PRKN: variants seen among roughly 807,000 people sequenced by gnomAD.
The protein encoded by PRKN is E3 ubiquitin-protein ligase parkin.
Under a neutral mutation model 59.5 loss-of-function variants are expected in PRKN, and 56 were observed. That is an observed-to-expected ratio of 0.94 (90% CI 0.76 to 1.18). PRKN has a LOEUF of 1.18. Ranked by LOEUF, PRKN falls within the 50% of genes most tolerant of loss-of-function variation. The probability of loss-of-function intolerance (pLI) is 0.00; values close to 1 mark genes in which losing one functional copy is unlikely to be tolerated. For missense variants in PRKN, 657 were observed against 596.4 expected, an observed-to-expected ratio of 1.10 and a Z score of -1.06; for synonymous variants, 250 against 222.1, an observed-to-expected ratio of 1.13 and a Z score of -1.12.
At chr6:161,662,829 A>G (rs1784595375) in intron 7 of PRKN, among the ~76,000 whole-genome samples, 1 of 152,148 alleles carries the variant, frequency 6.6e-6, no homozygotes, top group Admixed American at 6.5e-5. Flanking sequence ...ACATGAGGAT[A>G]TCTGTGGTGA....
rs1787346256 is a variant in PRKN, at chr6:161,407,809, C to T, written c.1084-20932G>A. 6.6e-6 allele frequency among the ~76,000 whole-genome samples: 1 copy of T among 152,174 alleles called. No individual in the cohort carries two copies. Among genetic ancestry groups the T allele is most frequent in the Non-Finnish European group, 1.5e-5 (1 of 68,026 alleles). On this transcript the variant is annotated intron_variant, in intron 9 of 11. Transcript: ENST00000366898. The surrounding 1 kb of genome is among the most constrained non-coding windows in gnomAD (Gnocchi z 4.9). ...ATGACTTGTTCTGGCCCTGCCCCAA[C>T]TGATCAGTTGACCTTGTGACATTCT...
intron 1 of PRKN, among the ~76,000 whole-genome samples, chr6:162,662,112 C>A (rs1023889542): frequency 2.0e-5 from 3 of 151,438 alleles, no homozygotes; most frequent in Non-Finnish European, 2.9e-5. Flanking sequence ...TTAATAATTT[C>A]TTTCCCTTTG....
At chr6:162,515,264 G>C (rs1303346686) in intron 1 of PRKN, among the ~76,000 whole-genome samples, 2 of 152,004 alleles carry the variant, frequency 1.3e-5, no homozygotes, top group African/African-American at 4.8e-5. Context: ...TGTATTTTTA[G>C]TAGAAACGGG....
intron 7 of PRKN, among the ~76,000 whole-genome samples, chr6:161,724,238 T>C (rs997522691): frequency 1.3e-5 from 2 of 152,192 alleles, no homozygotes; most frequent in African/African-American, 4.8e-5. Flanking sequence ...CTCCCTTTCA[T>C]GTTAAATGAT....
chr6:162,297,545 T>G (rs1360438785), intron 2 of PRKN, among the ~76,000 whole-genome samples: 3 of 152,122 alleles, frequency 2.0e-5, no homozygotes, highest in African/African-American at 7.2e-5. Context: ...AGGCATACAG[T>G]GTAATAACAC....
chr6:161,638,760 G>A (rs1416297037), intron 7 of PRKN, among the ~76,000 whole-genome samples: 1 of 18,588 alleles, frequency 5.4e-5, no homozygotes, highest in African/African-American at 4.7e-4. Flanking sequence ...TTTTTTTTTT[G>A]AGACAGACTC....
chr6:162,052,922 C>T (rs1777705418), intron 5 of PRKN, among the ~76,000 whole-genome samples: 2 of 151,978 alleles, frequency 1.3e-5, no homozygotes, highest in South Asian at 4.2e-4. Flanking sequence ...ATTATATCTA[C>T]ATATTATGTA....
rs1156616077 is a variant in PRKN at position 161,467,205 on chromosome 6, A to T, written c.1084-80328T>A. Among the ~76,000 whole-genome samples, 2 of 151,346 alleles carry T rather than the reference A, an allele frequency of 1.3e-5. No individual in the cohort carries two copies. Among genetic ancestry groups the T allele is most frequent in the Admixed American group, 1.3e-4 (2 of 15,236 alleles). ...TACTGGGAAAGTGGCATTTTGAGAG[A>T]GACTTCTTCCATCTACACCCTTCTG... On this transcript the variant is annotated intron_variant, in intron 9 of 11. Coordinates refer to ENST00000366898, the MANE Select transcript of PRKN (RefSeq NM_004562.3). This position sits in a 1 kb window ranked among gnomAD's most constrained non-coding sequence, Gnocchi z 4.3.
rs1235045980 is a variant in PRKN, at chr6:162,223,646, CACACACACACACACA to C, written c.413-22409_413-22395del. ...ACACACACACACACACACACACACA[CACACACACACACACA>C]AACATAATGCTCCAGAAACAGCACA... On this transcript the variant is annotated intron_variant, in intron 3 of 11. Transcript: ENST00000366898. 4.9e-3 allele frequency among the ~76,000 whole-genome samples: 510 copies of C among 103,368 alleles called. 6 individuals are homozygous for C. Among genetic ancestry groups the C allele is most frequent in the East Asian group, 0.045 (55 of 1,234 alleles). 67.8% of individuals were successfully genotyped at this position (103,368 alleles called of 152,430 possible). A position where few individuals can be genotyped will look rare whatever the true frequency, so the allele number is the denominator to read the frequency against.
At position 161,352,428 on chromosome 6, in the gene PRKN, T is replaced by C. The variant is rs891219973; in HGVS notation, c.1286-2217A>G. ...ACACTTTTATCTTCATACTTTCCAC[T>C]TAGGTTTGTGCCATTTTCAGCACAT... On this transcript the variant is annotated intron_variant, in intron 11 of 11. Coordinates refer to ENST00000366898, the MANE Select transcript of PRKN (RefSeq NM_004562.3). The surrounding 1 kb of genome is among the most constrained non-coding windows in gnomAD (Gnocchi z 5.8). 5.3e-5 allele frequency among the ~76,000 whole-genome samples: 8 copies of C among 152,138 alleles called. No individual in the cohort carries two copies. Among genetic ancestry groups the C allele is most frequent in the African/African-American group, 1.9e-4 (8 of 41,446 alleles).
intron 7 of PRKN, among the ~76,000 whole-genome samples, chr6:161,653,178 T>C (rs1028573607): frequency 4.5e-4 from 68 of 152,054 alleles, no homozygotes; most frequent in African/African-American, 1.4e-3. Flanking sequence ...CTGGCCAACA[T>C]GGTGAAACCC....
At chr6:162,098,157 T>C (rs184872797) in intron 4 of PRKN, among the ~76,000 whole-genome samples, 14 of 152,328 alleles carry the variant, frequency 9.2e-5, no homozygotes, top group Admixed American at 8.5e-4. Context: ...TGCCTTAGTA[T>C]AGTCTTCAAT....
At chr6:161,848,445 T>A (rs910509490) in intron 6 of PRKN, among the ~76,000 whole-genome samples, 1 of 152,232 alleles carries the variant, frequency 6.6e-6, no homozygotes, top group African/African-American at 2.4e-5. Flanking sequence ...TCCTTTTGGT[T>A]TTTTAAATTT....
chr6:162,567,533 C>T (rs1192707470), intron 1 of PRKN, among the ~76,000 whole-genome samples: 1 of 151,986 alleles, frequency 6.6e-6, no homozygotes, highest in Non-Finnish European at 1.5e-5. Context: ...AATAGCCACA[C>T]ATAAAATTAA....
rs896247274 is a variant in PRKN at position 161,475,957 on chromosome 6, T to C, written c.1083+72897A>G. Among the ~76,000 whole-genome samples the C allele has an allele frequency of 1.1e-4, 16 of 152,110 alleles. No homozygotes were observed. Among genetic ancestry groups the C allele is most frequent in the East Asian group, 3.9e-4 (2 of 5,160 alleles). On this transcript the variant is annotated intron_variant, in intron 9 of 11. Coordinates refer to ENST00000366898, the MANE Select transcript of PRKN (RefSeq NM_004562.3). The surrounding 1 kb of genome is among the most constrained non-coding windows in gnomAD (Gnocchi z 5.3). ...ATCCCAGCATTTTGGGAGGCCAAGG[T>C]GGGCGGATCACGAGGTCAGGAGATG...
At chr6:161,641,436 C>A (rs1783734013) in intron 7 of PRKN, among the ~76,000 whole-genome samples, 1 of 152,118 alleles carries the variant, frequency 6.6e-6, no homozygotes, top group Non-Finnish European at 1.5e-5. Flanking sequence ...AAGAGGGCAG[C>A]TTTGATTTCA....
chr6:162,619,311 T>G (rs902513073), intron 1 of PRKN, among the ~76,000 whole-genome samples: 1 of 70,114 alleles, frequency 1.4e-5, no homozygotes. Context: ...CCCGGCTAAT[T>G]TTTAATTTTT....
At chr6:161,696,416 A>G (rs112673650) in intron 7 of PRKN, among the ~76,000 whole-genome samples, 75 of 152,368 alleles carry the variant, frequency 4.9e-4, no homozygotes, top group African/African-American at 1.8e-3. Context: ...GCCCCACTAC[A>G]GTGTAAAAGT....
rs985228517 is a variant in PRKN, at chr6:161,357,328, C to T, written c.1285+2760G>A. Among the ~76,000 whole-genome samples, 9 of 152,018 alleles carry T rather than the reference C, an allele frequency of 5.9e-5. No individual in the cohort carries two copies. The highest frequency in any genetic ancestry group is 1.3e-4 in the Admixed American group (2 of 15,252). ...TGGCCTCCCAAAGTGCTGGGATTAC[C>T]GGTGTGAGCCACCACTCCCAGCCTC... On this transcript the variant is annotated intron_variant, in intron 11 of 11. Coordinates refer to ENST00000366898, the MANE Select transcript of PRKN (RefSeq NM_004562.3). The surrounding 1 kb of genome is among the most constrained non-coding windows in gnomAD (Gnocchi z 5.5).
Sources: allele counts gnomAD v4.1 joint callset (sites outside exome capture counted in the v4.1 genomes callset), GRCh38; gene constraint gnomAD v4.1.1; non-coding constraint Gnocchi (gnomAD v3.1); transcripts MANE v1.5; gene names NCBI Gene and HGNC (gene_info 2026-07-23, HGNC 2026-07-21).